Variants in SLC35F4 observed in about 807,000 individuals in gnomAD.
The protein encoded by SLC35F4 is chromosome 14 open reading frame 36.
SLC35F4 carries 24 observed loss-of-function variants against 44.2 expected under a neutral mutation model. The observed-to-expected ratio is 0.54, with a 90% CI of 0.39 to 0.76. SLC35F4 has a LOEUF of 0.76. SLC35F4 is among the 30% of genes least tolerant of loss of function. SLC35F4 has a pLI of 0.00. For missense variants in SLC35F4, 562 were observed against 586.1 expected (o/e 0.96, Z 0.42); for synonymous variants, 238 against 223.6 (o/e 1.06, Z -0.57).
chr14:57,968,851 T>A lies in SLC35F4; in HGVS notation n.282+13062A>T, dbSNP rs147112901. ...CATATTATCAAGTGTAAAGATGAAATGTCAGAAATATTAGCAGTTAAATTT... is the reference window on the plus strand; with the variant it reads ...CATATTATCAAGTGTAAAGATGAAAAGTCAGAAATATTAGCAGTTAAATTT... On this transcript the variant is annotated intron_variant and non_coding_transcript_variant, in intron 1 of 1. Coordinates refer to the SLC35F4 transcript ENST00000556568. Among the ~76,000 whole-genome samples the A allele has an allele frequency of 7.6e-4, 116 of 152,320 alleles. 1 individual carries two copies. In the East Asian group the frequency reaches 0.01, roughly 13 times the overall value.
upstream of SLC35F4, among the ~76,000 whole-genome samples, chr14:57,870,653 G>A (rs1438067539): frequency 2.6e-5 from 4 of 152,140 alleles, no homozygotes; most frequent in African/African-American, 9.7e-5. Context: ...TTGCTGTGAT[G>A]GTTAAGTGAG....
upstream of SLC35F4, among the ~76,000 whole-genome samples, chr14:57,866,862 G>A (rs1415934329): frequency 6.6e-6 from 1 of 151,736 alleles, no homozygotes; most frequent in Admixed American, 6.6e-5. Context: ...CTCAGGTGTG[G>A]GACTCTTCTG....
chr14:57,840,564 A>G (rs1885388386), intron 1 of SLC35F4, among the ~76,000 whole-genome samples: 4 of 152,192 alleles, frequency 2.6e-5, no homozygotes, highest in Admixed American at 2.6e-4. Context: ...GGGCTTTGAC[A>G]TTGATTCCCA....
intron 1 of SLC35F4, among the ~76,000 whole-genome samples, chr14:57,600,508 C>T (rs939809847): frequency 2.0e-5 from 3 of 149,526 alleles, no homozygotes; most frequent in African/African-American, 4.9e-5. Flanking sequence ...CCGGCTAAAA[C>T]GGTGAAACCC....
At chr14:57,718,062 T>C (rs1204544071) in intron 1 of SLC35F4, among the ~76,000 whole-genome samples, 1 of 152,214 alleles carries the variant, frequency 6.6e-6, no homozygotes, top group African/African-American at 2.4e-5. Flanking sequence ...CCCTTTATTC[T>C]CTATCTCCAT....
intron 1 of SLC35F4, among the ~76,000 whole-genome samples, chr14:57,921,819 C>T (rs1292484591): frequency 6.6e-6 from 1 of 152,124 alleles, no homozygotes; most frequent in Non-Finnish European, 1.5e-5. Flanking sequence ...CTGCAATGAC[C>T]CTATTTCCAG....
intron 1 of SLC35F4, among the ~76,000 whole-genome samples, chr14:57,622,871 A>G (rs1173866991): frequency 6.6e-6 from 1 of 152,110 alleles, no homozygotes; most frequent in Non-Finnish European, 1.5e-5. Flanking sequence ...ACCAAATTGT[A>G]AAGACTATTG....
At chr14:57,650,048 C>T (rs891946476) in intron 1 of SLC35F4, among the ~76,000 whole-genome samples, 3 of 152,072 alleles carry the variant, frequency 2.0e-5, no homozygotes, top group South Asian at 2.1e-4. Flanking sequence ...CCTGGAGTTC[C>T]TCCTACTTCC....
intron 1 of SLC35F4, among the ~76,000 whole-genome samples, chr14:57,742,546 A>G (rs904207425): frequency 6.6e-6 from 1 of 152,208 alleles, no homozygotes; most frequent in Non-Finnish European, 1.5e-5. Context: ...TATATGCACC[A>G]ATACAGAAGC....
At chr14:57,883,053 GGGAGGAGGAGGAGGACGAGGA>G (rs1467180152) in intron 1 of SLC35F4, among the ~76,000 whole-genome samples, 1 of 151,564 alleles carries the variant, frequency 6.6e-6, no homozygotes, top group Non-Finnish European at 1.5e-5. Flanking sequence ...AGAAGGGGAG[GGGAGGAGGAGGAGGACGAGGA>G]GGAGGAGGAG....
At chr14:57,880,113 G>C (rs1888501349) in intron 1 of SLC35F4, among the ~76,000 whole-genome samples, 1 of 149,426 alleles carries the variant, frequency 6.7e-6, no homozygotes, top group Non-Finnish European at 1.5e-5. Flanking sequence ...AGGAAGGACA[G>C]TAGATCTTTT....
intron 1 of SLC35F4, among the ~76,000 whole-genome samples, chr14:57,615,621 G>GA (rs1256149588): frequency 4.7e-5 from 7 of 148,084 alleles, no homozygotes; most frequent in South Asian, 2.2e-4. Flanking sequence ...CATTTTCTTT[G>GA]AAAAAAAATA....
intron 4 of SLC35F4, chr14:57,580,452 A>G (rs1453377377): frequency 7.4e-6 from 2 of 270,646 alleles, no homozygotes; most frequent in Non-Finnish European, 1.5e-5. Flanking sequence ...CTTCTAAAGA[A>G]GTGTTGTCTC....
intron 1 of SLC35F4, among the ~76,000 whole-genome samples, chr14:57,750,224 C>CT (rs1348932663): frequency 1.3e-5 from 2 of 151,854 alleles, no homozygotes; most frequent in Non-Finnish European, 1.5e-5. Context: ...GGATTTCATT[C>CT]TTTTTTTTAG....
chr14:57,877,484 A>G (rs1034034918), intron 1 of SLC35F4, among the ~76,000 whole-genome samples: 27 of 152,122 alleles, frequency 1.8e-4, no homozygotes, highest in African/African-American at 6.5e-4. Flanking sequence ...TCTTTATGAT[A>G]GAACAACTTA....
chr14:57,871,088 G>C (rs1362817051), upstream of SLC35F4, among the ~76,000 whole-genome samples: 2 of 152,226 alleles, frequency 1.3e-5, no homozygotes, highest in African/African-American at 4.8e-5. Flanking sequence ...AGCAGCCTCA[G>C]AGGGATCATA....
chr14:57,955,697 C>T (rs1368169999), intron 1 of SLC35F4, among the ~76,000 whole-genome samples: 1 of 152,068 alleles, frequency 6.6e-6, no homozygotes, highest in Non-Finnish European at 1.5e-5. Flanking sequence ...ACAATTGCTA[C>T]AAAGAGAATA....
At chr14:57,635,407 A>G (rs1469123490) in intron 1 of SLC35F4, among the ~76,000 whole-genome samples, 1 of 152,046 alleles carries the variant, frequency 6.6e-6, no homozygotes, top group East Asian at 1.9e-4. Context: ...CAGATGTGTT[A>G]AGTTTCAGAA....
chr14:57,865,471 C>G (rs568883235), intron 1 of SLC35F4, among the ~76,000 whole-genome samples: 1 of 152,204 alleles, frequency 6.6e-6, no homozygotes, highest in Admixed American at 6.5e-5. Context: ...CGCACCTCCC[C>G]CCAAGGCTAC....
Sources: allele counts gnomAD v4.1 joint callset (sites outside exome capture counted in the v4.1 genomes callset), GRCh38; gene constraint gnomAD v4.1.1; transcripts MANE v1.5; gene names NCBI Gene and HGNC (gene_info 2026-07-23, HGNC 2026-07-21).